The following MIER1 variants were observed in gnomAD, a reference collection of about 807,000 sequenced individuals.
MIER1 encodes the protein mesoderm induction early response protein 1.
Under a neutral mutation model 75.7 loss-of-function variants are expected in MIER1, and 40 were observed. The ratio of observed to expected loss-of-function variants is 0.53; its 90% confidence interval spans 0.41 to 0.69. MIER1 has a LOEUF of 0.69. Among genes scored for constraint, MIER1 ranks in the 30% least tolerant of loss-of-function variants. The probability of loss-of-function intolerance (pLI) is 0.00; values close to 1 mark genes in which losing one functional copy is unlikely to be tolerated. For synonymous variants in MIER1, 213 were observed against 223.4 expected (o/e 0.95, Z 0.42); for missense variants, 574 against 680.2 (o/e 0.84, Z 1.74).
At chr1:66,929,778 T>C (rs1450578731) in intron 2 of MIER1, among the ~76,000 whole-genome samples, 4 of 152,196 alleles carry the variant, frequency 2.6e-5, no homozygotes, top group Non-Finnish European at 1.5e-5. Context: ...TTTGGGGATA[T>C]AGAATTTTAC....
At chr1:66,977,464 A>G (rs766617524) in intron 12 of MIER1, among the ~76,000 whole-genome samples, 1 of 152,114 alleles carries the variant, frequency 6.6e-6, no homozygotes, top group African/African-American at 2.4e-5. Flanking sequence ...TCCTTTTCCT[A>G]GCTTTCCTGA....
chr1:66,930,249 C>A, intron 2 of MIER1: 1 of 1,494,050 alleles, frequency 6.7e-7, no homozygotes, highest in Non-Finnish European at 8.9e-7. Context: ...TCGGGCGGCT[C>A]CTGCGCGTTC....
At chr1:66,982,938 G>A (rs927707843) in intron 13 of MIER1, among the ~76,000 whole-genome samples, 6 of 152,176 alleles carry the variant, frequency 3.9e-5, no homozygotes, top group African/African-American at 1.4e-4. Flanking sequence ...CTCTGACCTT[G>A]GGACTAACCG....
In MIER1 at chr1:66,946,225, G is replaced by A. The variant is rs377314579; in HGVS notation, c.269G>A (p.Arg90Gln). ...CTGGTTCATGATTTTGATGATGAAC[G>A]AACATTAGAAGAGGAAGAAATGATG... The part of the protein sequence containing the change: ...DMLVHDFDDE[R>Q]TLEEEEMMEG... The change falls in exon 4 of 14, where the codon CGA becomes CAA. Residue 90 changes from arginine (R) to glutamine (Q), a missense_variant. By Grantham distance (43) the Arg-to-Gln change is conservative. Around this residue, in one of 3 missense-constraint regions of MIER1, gnomAD observed 309 missense variants for 352.8 expected, o/e 0.88. Transcript: ENST00000401041. 1.8e-5 allele frequency: 29 copies of A among 1,611,480 alleles called. No individual in the cohort carries two copies. The highest frequency in any genetic ancestry group is 1.8e-4 in the South Asian group (16 of 90,528).
intron 4 of MIER1, among the ~76,000 whole-genome samples, chr1:66,956,719 T>TG (rs1382935322): frequency 5.9e-5 from 9 of 152,260 alleles, no homozygotes; most frequent in Non-Finnish European, 8.8e-5. Context: ...TTAGGGGTCT[T>TG]GGAATTGATT....
intron 2 of MIER1, among the ~76,000 whole-genome samples, chr1:66,934,101 A>G (rs1654102610): frequency 6.6e-6 from 1 of 152,218 alleles, no homozygotes; most frequent in Non-Finnish European, 1.5e-5. Context: ...TAGCACCCCA[A>G]AAAATTGTTT....
chr1:66,962,458 A>G (rs893415164), intron 7 of MIER1, among the ~76,000 whole-genome samples: 4 of 152,188 alleles, frequency 2.6e-5, no homozygotes, highest in Non-Finnish European at 2.9e-5. Context: ...TAAAATACCA[A>G]TGACTGAGTC....
chr1:66,947,811 C>G (rs1386205215), intron 4 of MIER1: 1 of 463,586 alleles, frequency 2.2e-6, no homozygotes, highest in Non-Finnish European at 2.8e-6. Flanking sequence ...CACACTACCT[C>G]TGTTATAGCC....
chr1:66,941,472 T>G (rs1656199290), intron 3 of MIER1, among the ~76,000 whole-genome samples: 1 of 152,158 alleles, frequency 6.6e-6, no homozygotes, highest in African/African-American at 2.4e-5. Context: ...AAAAAATAGA[T>G]CCTACTTGTT....
At chr1:66,931,952 T>G (rs1444566243) in intron 2 of MIER1, among the ~76,000 whole-genome samples, 1 of 152,168 alleles carries the variant, frequency 6.6e-6, no homozygotes, top group African/African-American at 2.4e-5. Context: ...CAGGATGGTT[T>G]GAGCTTTGAG....
At chr1:66,951,366 C>T (rs1038678483) in intron 4 of MIER1, among the ~76,000 whole-genome samples, 1 of 152,054 alleles carries the variant, frequency 6.6e-6, no homozygotes, top group Non-Finnish European at 1.5e-5. Flanking sequence ...TGTGTGCAAG[C>T]AGTCCTCCCA....
intron 3 of MIER1, among the ~76,000 whole-genome samples, chr1:66,943,846 C>T (rs972463911): frequency 6.6e-6 from 1 of 152,186 alleles, no homozygotes. Flanking sequence ...AGGCAGTATA[C>T]TAAAATAATT....
At chr1:66,956,044 A>G (rs1037421736) in intron 4 of MIER1, among the ~76,000 whole-genome samples, 1 of 152,224 alleles carries the variant, frequency 6.6e-6, no homozygotes, top group Admixed American at 6.5e-5. Context: ...TGCAAGAGAA[A>G]AAGACAGTGA....
At chr1:66,933,045 G>T (rs1482963010) in intron 2 of MIER1, among the ~76,000 whole-genome samples, 1 of 152,114 alleles carries the variant, frequency 6.6e-6, no homozygotes, top group East Asian at 1.9e-4. Context: ...CGTATTTAAT[G>T]TACTTAGAAT....
chr1:66,984,444 A>T (rs1369547258), intron 13 of MIER1, 128 bp from the exon 14 acceptor site: 2 of 661,076 alleles, frequency 3.0e-6, no homozygotes, highest in Non-Finnish European at 5.0e-6. Context: ...TAAGTAATAG[A>T]GCAAGAATTT....
At chr1:66,945,791 C>T (rs773112948) in intron 3 of MIER1, among the ~76,000 whole-genome samples, 7 of 151,918 alleles carry the variant, frequency 4.6e-5, no homozygotes, top group East Asian at 3.9e-4. Flanking sequence ...CCTAGGAGGT[C>T]GAGGCTGCAG....
chr1:66,947,424 AGTG>A (rs1657920434), intron 4 of MIER1: 1 of 152,132 alleles, frequency 6.6e-6, no homozygotes, highest in Non-Finnish European at 1.5e-5. Flanking sequence ...ATCAGTAAAA[AGTG>A]GTACTACTAT....
At position 66,946,637 on chromosome 1, in the gene MIER1, T is replaced by G. The variant is rs938062810; in HGVS notation, c.339+342T>G. ...CCCAGTTACCATATCTTTTACTTAT[T>G]CTCCTTCAGAGCCAAAAATTCTTGA... On this transcript the variant is annotated intron_variant, in intron 4 of 13. Transcript: ENST00000401041. The G allele has an allele frequency of 3.0e-6, 3 of 1,000,254 alleles. No homozygotes were observed. The African/African-American group carries it at 5.2e-5, about 17-fold the overall frequency. 62.0% of individuals were successfully genotyped at this position (1,000,254 alleles called of 1,614,324 possible). A position where few individuals can be genotyped will look rare whatever the true frequency, so the allele number is the denominator to read the frequency against.
At position 66,972,952 on chromosome 1, in the gene MIER1, G is replaced by A. The variant is rs1663994865; in HGVS notation, c.1062G>A (p.Lys354=). 1.2e-6 allele frequency: 2 copies of A among 1,608,868 alleles called. No individual in the cohort carries two copies. Among genetic ancestry groups the A allele is most frequent in the East Asian group, 4.5e-5 (2 of 44,752 alleles). The change falls in exon 11 of 14, where the codon AAG becomes AAA. Residue 354 remains lysine (K), a synonymous_variant. Transcript: ENST00000401041. ...GTAGAAATTTTGAACAAGGGCTGAA[G>A]GCCTATGGAAAGGATTTTCATTTGA... is the stretch of plus-strand genomic sequence containing the variant. ...EECRNFEQGL[K]AYGKDFHLIQ...
Sources: allele counts gnomAD v4.1 joint callset (sites outside exome capture counted in the v4.1 genomes callset), GRCh38; gene constraint gnomAD v4.1.1; regional missense constraint gnomAD v4.1.1; transcripts MANE v1.5; gene names NCBI Gene and HGNC (gene_info 2026-07-23, HGNC 2026-07-21).